L3HYPDH: variants seen among roughly 807,000 people sequenced by gnomAD.
The protein encoded by L3HYPDH is trans-3-hydroxy-L-proline dehydratase.
Under a neutral mutation model 26.5 loss-of-function variants are expected in L3HYPDH, and 32 were observed. That is an observed-to-expected ratio of 1.21 (90% CI 0.91 to 1.62). The LOEUF is 1.62. Among genes scored for constraint, L3HYPDH ranks in the 40% most tolerant of loss-of-function variants. L3HYPDH has a pLI of 0.00. For synonymous variants in L3HYPDH, 215 were observed against 196.6 expected, an observed-to-expected ratio of 1.09 and a Z score of -0.78; for missense variants, 554 against 476.4, an observed-to-expected ratio of 1.16 and a Z score of -1.52.
the L3HYPDH span, chr14:59,505,272 A>G: frequency 6.6e-7 from 1 of 1,509,558 alleles, no homozygotes; most frequent in Non-Finnish European, 8.9e-7. Context: ...CAGTACATTT[A>G]ACCACTGGGA....
rs1890310357 is a variant in L3HYPDH at position 59,484,232 on chromosome 14, C to T, written c.85G>A (p.Gly29Ser). 2 of 1,598,390 alleles carry T rather than the reference C, an allele frequency of 1.3e-6. No homozygotes were observed. The highest frequency in any genetic ancestry group is 1.3e-5 in the African/African-American group (1 of 75,054). ...GCCAGCACGATACGCAAGGGCTCGCCGCCCGTGTGCATGTCCACCACCGAC... is the reference window on the plus strand; with the variant it reads ...GCCAGCACGATACGCAAGGGCTCGCTGCCCGTGTGCATGTCCACCACCGAC... ...VLSVVDMHTG[G>S]EPLRIVLAGC... Residue 29 changes from glycine to serine, a missense_variant, in exon 1 of 5, where the codon GGC becomes AGC. Coordinates refer to ENST00000247194, the MANE Select transcript of L3HYPDH (RefSeq NM_144581.2).
chr14:59,496,164 C>G, the L3HYPDH span, among the ~76,000 whole-genome samples: 1 of 152,126 alleles, frequency 6.6e-6, no homozygotes, highest in African/African-American at 2.4e-5. Context: ...CCTTGGCCTC[C>G]CAAAGTGATG....
chr14:59,490,384 T>C, the L3HYPDH span, among the ~76,000 whole-genome samples: 1 of 152,118 alleles, frequency 6.6e-6, no homozygotes, highest in East Asian at 1.9e-4. Flanking sequence ...CAACATGAGA[T>C]TTGGAGGGAA....
the L3HYPDH span, among the ~76,000 whole-genome samples, chr14:59,501,536 G>A: frequency 1.3e-4 from 20 of 152,240 alleles, no homozygotes; most frequent in South Asian, 3.9e-3. Context: ...ATTTTCCCAT[G>A]TAGCAAACAT....
the L3HYPDH span, among the ~76,000 whole-genome samples, chr14:59,502,753 T>TTTGTTTTTTTTTTTTTGTTTTTG: frequency 2.7e-5 from 2 of 74,948 alleles, no homozygotes; most frequent in Non-Finnish European, 2.7e-5. Flanking sequence ...AAATGAGATT[T>TTTGTTTTTTTTTTTTTGTTTTTG]TTTTTTTTTT....
chr14:59,484,497 G>A (rs1015071389), upstream of L3HYPDH: 1 of 1,499,030 alleles, frequency 6.7e-7, no homozygotes. Context: ...TTACCGGGAG[G>A]CGGAGCCGCC....
chr14:59,501,962 CATCAT>C, the L3HYPDH span, among the ~76,000 whole-genome samples: 4 of 152,038 alleles, frequency 2.6e-5, no homozygotes, highest in African/African-American at 9.7e-5. Flanking sequence ...TAGAATAGAA[CATCAT>C]ATCATAACGT....
the L3HYPDH span, among the ~76,000 whole-genome samples, chr14:59,491,689 G>A: frequency 5.9e-5 from 9 of 152,204 alleles, no homozygotes; most frequent in Admixed American, 5.2e-4. Flanking sequence ...AGACATTGCT[G>A]GTCCCAGCTG....
rs374659560 is a variant in L3HYPDH at position 59,484,342 on chromosome 14, G to C, written c.-26C>G. 6.4e-7 allele frequency: 1 copy of C among 1,556,632 alleles called. No individual in the cohort carries two copies. Among genetic ancestry groups the C allele is most frequent in the Non-Finnish European group, 8.6e-7 (1 of 1,156,578 alleles). ...GGTCTGCGTCGGGGGAGACGAGTACGGTCCCGCAGCTATGGCTTCAAGCCC... is the reference window on the plus strand; with the variant it reads ...GGTCTGCGTCGGGGGAGACGAGTACCGTCCCGCAGCTATGGCTTCAAGCCC... On this transcript the variant is annotated 5_prime_UTR_variant, in exon 1 of 5. Transcript: ENST00000247194.
chr14:59,493,101 G>A, the L3HYPDH span, among the ~76,000 whole-genome samples: 1 of 152,122 alleles, frequency 6.6e-6, no homozygotes, highest in Middle Eastern at 3.2e-3. Flanking sequence ...CCCAGCCAAG[G>A]AGAGCTGGTA....
chr14:59,488,976 G>A (rs61026640), upstream of L3HYPDH, among the ~76,000 whole-genome samples: 9,457 of 152,332 alleles, frequency 0.062, 388 homozygotes, highest in Middle Eastern at 0.11. Context: ...CTCTGGGCCT[G>A]TGGTCGGACA....
rs757964884 is a variant in L3HYPDH, at chr14:59,479,308, G to A, written c.552C>T (p.Asp184=). 6.2e-7 allele frequency: 1 copy of A among 1,613,202 alleles called. No individual in the cohort carries two copies. Among genetic ancestry groups the A allele is most frequent in the Non-Finnish European group, 8.5e-7 (1 of 1,179,786 alleles). ...DVPGHGKVMV[D]IAYGGAFYAF... The stretch of plus-strand genomic sequence containing the variant: ...CATAAAATGCACCGCCATATGCAAT[G>A]TCCACCATCACCTTTCCATGTCCAG... The change falls in exon 2 of 5, where the codon GAC becomes GAT. Residue 184 remains aspartate (D), a synonymous_variant. Coordinates refer to ENST00000247194, the MANE Select transcript of L3HYPDH (RefSeq NM_144581.2).
In L3HYPDH at chr14:59,475,975, G is replaced by A. The variant is rs1480719985; in HGVS notation, c.833C>T (p.Thr278Ile). ...GTGATACTGTAAGGCAATTCGGGCT[G>A]TCACTCCTGAGCCAGTGGGACTTCT... ...VDRSPTGSGV[T>I]ARIALQYHKG... The change falls in exon 4 of 5, where the codon ACA becomes ATA. Residue 278 changes from threonine (T) to isoleucine (I), a missense_variant. Transcript: ENST00000247194. The A allele has an allele frequency of 6.2e-7, 1 of 1,613,878 alleles. No individual in the cohort carries two copies. The highest frequency in any genetic ancestry group is 1.3e-5 in the African/African-American group (1 of 74,912).
chr14:59,505,169 A>T, the L3HYPDH span: 5 of 717,988 alleles, frequency 7.0e-6, no homozygotes, highest in Admixed American at 1.3e-4. Flanking sequence ...GCTGCAAAAT[A>T]TGAAAGTAAG....
Position 59,484,060 on chromosome 14 carries a change from G to T in L3HYPDH, c.257C>A (p.Pro86Gln). The T allele has an allele frequency of 6.2e-7, 1 of 1,606,946 alleles. No individual in the cohort carries two copies. The highest frequency in any genetic ancestry group is 1.1e-5 in the South Asian group (1 of 90,940). ...YGAVLVPSELPDAHLGVLFLH... is the reference protein window; with the variant it reads ...YGAVLVPSELQDAHLGVLFLH... ...GAACAGGACGCCCAGATGCGCGTCC[G>T]GCAGCTCGCTCGGGACTAGGACCGC... Residue 86 changes from proline to glutamine, a missense_variant, in exon 1 of 5, where the codon CCG (proline) becomes CAG (glutamine). Transcript: ENST00000247194.
the L3HYPDH span, among the ~76,000 whole-genome samples, chr14:59,491,490 C>G: frequency 6.6e-6 from 1 of 152,136 alleles, no homozygotes; most frequent in Admixed American, 6.5e-5. Context: ...GATTTTGCCT[C>G]TGAAAATATT....
rs1383792692 is a variant in L3HYPDH at position 59,484,324 on chromosome 14, G to C, written c.-8C>G. ...CGCCAGCGCGCTCTCCATGGTCTGC[G>C]TCGGGGGAGACGAGTACGGTCCCGC... On this transcript the variant is annotated 5_prime_UTR_variant, in exon 1 of 5. Coordinates refer to ENST00000247194, the MANE Select transcript of L3HYPDH (RefSeq NM_144581.2). 6.3e-7 allele frequency: 1 copy of C among 1,578,398 alleles called. No homozygotes were observed.
chr14:59,474,407 G>T, intron 4 of L3HYPDH: 1 of 648,154 alleles, frequency 1.5e-6, no homozygotes, highest in East Asian at 2.8e-5. Flanking sequence ...TGCCTTATAT[G>T]GAAGTTCTAA....
In L3HYPDH at chr14:59,479,370, T is replaced by C. The variant is rs1889859038; in HGVS notation, c.509-19A>G. On this transcript the variant is annotated intron_variant, in intron 1 of 4. Coordinates refer to ENST00000247194, the MANE Select transcript of L3HYPDH (RefSeq NM_144581.2). The stretch of plus-strand genomic sequence containing the variant: ...ATGAGATCTAAAAAAAAGATGTGTT[T>C]GGAAAGAAGATGTGTTTGTTAATAA... 4 of 1,604,066 alleles carry C rather than the reference T, an allele frequency of 2.5e-6. No individual in the cohort carries two copies. In the African/African-American group the frequency reaches 5.4e-5, roughly 22 times the overall value.
Sources: gnomAD v4.1 joint callset for allele counts (sites outside exome capture counted in the v4.1 genomes callset) on GRCh38, gnomAD v4.1.1 for gene constraint, MANE v1.5 for transcripts, NCBI Gene and HGNC (gene_info 2026-07-23, HGNC 2026-07-21) for gene names.